TLE4: variants seen among roughly 807,000 people sequenced by gnomAD.
TLE4 encodes TLE family member 4, transcriptional corepressor.
A neutral mutation model predicts 92.8 loss-of-function variants in TLE4; 8 were observed. The observed-to-expected ratio is 0.09, with a 90% CI of 0.05 to 0.16. TLE4 has a LOEUF of 0.16. Among genes scored for constraint, TLE4 ranks in the 10% least tolerant of loss-of-function variants. The pLI, the probability that TLE4 is intolerant of heterozygous loss-of-function variation, is 1.00. For missense variants in TLE4, 675 were observed against 997.6 expected, an observed-to-expected ratio of 0.68 and a Z score of 4.36; for synonymous variants, 371 against 374.1, an observed-to-expected ratio of 0.99 and a Z score of 0.10.
intron 8 of TLE4, among the ~76,000 whole-genome samples, chr9:79,692,553 A>G (rs906059226): frequency 2.6e-5 from 4 of 152,188 alleles, no homozygotes; most frequent in Non-Finnish European, 5.9e-5. Context: ...TTTAATTGTC[A>G]TGACTATCTT....
At chr9:79,635,096 T>C (rs1056183741) in intron 6 of TLE4, among the ~76,000 whole-genome samples, 2 of 152,190 alleles carry the variant, frequency 1.3e-5, no homozygotes, top group African/African-American at 4.8e-5. Context: ...ATATATTACA[T>C]GTAAGAAAAC....
intron 14 of TLE4, among the ~76,000 whole-genome samples, chr9:79,715,996 A>T (rs886266562): frequency 2.4e-4 from 37 of 152,110 alleles, no homozygotes; most frequent in African/African-American, 8.7e-4. Flanking sequence ...TCTCCTCTAG[A>T]TTACTGTGTA....
chr9:79,644,780 A>G (rs1259917938), intron 6 of TLE4, among the ~76,000 whole-genome samples: 1 of 152,142 alleles, frequency 6.6e-6, no homozygotes, highest in East Asian at 1.9e-4. Context: ...GCTCCTTTCA[A>G]GGTCTGCTGA....
At chr9:79,720,896 C>T (rs2075521654) in intron 16 of TLE4, among the ~76,000 whole-genome samples, 1 of 152,108 alleles carries the variant, frequency 6.6e-6, no homozygotes, top group South Asian at 2.1e-4. Flanking sequence ...TATAACTTTA[C>T]AAATGAGATT....
At chr9:79,586,243 A>G (rs1052805883) in intron 4 of TLE4, among the ~76,000 whole-genome samples, 2 of 151,924 alleles carry the variant, frequency 1.3e-5, no homozygotes, top group Non-Finnish European at 2.9e-5. Flanking sequence ...CATGACTGTA[A>G]TCCCAGCTAC....
At chr9:79,672,229 C>T (rs1321737594) in intron 8 of TLE4, among the ~76,000 whole-genome samples, 1 of 151,868 alleles carries the variant, frequency 6.6e-6, no homozygotes, top group Non-Finnish European at 1.5e-5. Flanking sequence ...ACAAAGGGGC[C>T]AGAGTCCTGG....
At chr9:79,722,422 A>T in intron 17 of TLE4, 29 bp from the exon 18 acceptor site, 1 of 1,612,604 alleles carries the variant, frequency 6.2e-7, no homozygotes, top group Non-Finnish European at 8.5e-7. Flanking sequence ...CACTGTGGCC[A>T]CTGTCACCAT....
At chr9:79,676,698 TATC>T (rs2063317648) in intron 8 of TLE4, among the ~76,000 whole-genome samples, 1 of 152,142 alleles carries the variant, frequency 6.6e-6, no homozygotes, top group Non-Finnish European at 1.5e-5. Context: ...CGTCTAGCCT[TATC>T]TATGACGTCT....
Position 79,708,687 on chromosome 9 carries a change from C to T in TLE4, c.1164C>T (p.Ser388=), listed in dbSNP as rs1173516543. 4 of 1,613,834 alleles carry T rather than the reference C, an allele frequency of 2.5e-6. No homozygotes were observed. The highest frequency in any genetic ancestry group is 3.3e-5 in the Admixed American group (2 of 60,028). The part of the protein sequence containing the change: ...PHAGMNGELT[S]PGAAYAGLHN... The stretch of plus-strand genomic sequence containing the variant: ...CTGGAATGAACGGAGAGCTGACCAG[C>T]CCCGGAGCGGCCTACGCTGGGCTCC... The change falls in exon 13 of 20, where the codon AGC becomes AGT. Residue 388 remains serine, a synonymous_variant. Coordinates refer to ENST00000376552, the MANE Select transcript of TLE4 (RefSeq NM_007005.6).
chr9:79,588,485 C>T (rs1172243432), intron 4 of TLE4, among the ~76,000 whole-genome samples: 5 of 152,152 alleles, frequency 3.3e-5, no homozygotes, highest in Non-Finnish European at 5.9e-5. Context: ...AAATCGTCTG[C>T]TTCTGTGTTC....
chr9:79,669,425 G>A (rs1196518606), intron 8 of TLE4, among the ~76,000 whole-genome samples: 5 of 152,152 alleles, frequency 3.3e-5, no homozygotes, highest in African/African-American at 4.8e-5. Context: ...CTGTATTTAG[G>A]CAATTAAAAT....
intron 5 of TLE4, among the ~76,000 whole-genome samples, chr9:79,616,421 G>A (rs184553197): frequency 1.3e-5 from 2 of 152,272 alleles, no homozygotes; most frequent in Non-Finnish European, 1.5e-5. Context: ...ACCTACTGCC[G>A]TTGACTAGTG....
chr9:79,709,875 G>C (rs1438995778), intron 14 of TLE4, among the ~76,000 whole-genome samples, 176 bp downstream of exon 14: 1 of 152,172 alleles, frequency 6.6e-6, no homozygotes, highest in Non-Finnish European at 1.5e-5. Flanking sequence ...ATGAAGTGGG[G>C]TTTTGCATTG....
chr9:79,657,903 T>C (rs1408111947), intron 8 of TLE4, among the ~76,000 whole-genome samples: 1 of 152,210 alleles, frequency 6.6e-6, no homozygotes, highest in East Asian at 1.9e-4. Flanking sequence ...GTAAGTCCTT[T>C]TCATGTATCT....
chr9:79,669,364 G>A (rs537813975), intron 8 of TLE4, among the ~76,000 whole-genome samples: 4 of 152,310 alleles, frequency 2.6e-5, no homozygotes, highest in South Asian at 4.1e-4. Flanking sequence ...TTTGGAATAA[G>A]TAGTGAGGCC....
intron 8 of TLE4, among the ~76,000 whole-genome samples, chr9:79,663,929 T>C (rs1448198364): frequency 6.6e-6 from 1 of 152,178 alleles, no homozygotes; most frequent in African/African-American, 2.4e-5. Flanking sequence ...CGGACTATAG[T>C]CCCCGAGACG....
Position 79,595,849 on chromosome 9 carries a change from CT to C in TLE4, c.253-16790del, listed in dbSNP as rs746656900. Among the ~76,000 whole-genome samples, 472 of 138,568 alleles carry C rather than the reference CT, an allele frequency of 3.4e-3. 6 individuals are homozygous for C. The highest frequency in any genetic ancestry group is 0.02 in the Admixed American group (284 of 13,860). 90.9% of individuals were successfully genotyped at this position (138,568 alleles called of 152,430 possible). ...TTTGTTTTTCATTTTTTGCCATCTA[CT>C]TTTTTTTTTTTTTTTTGAGACGGAG... On this transcript the variant is annotated intron_variant, in intron 4 of 19. Transcript: ENST00000376552.
intron 8 of TLE4, among the ~76,000 whole-genome samples, chr9:79,656,385 T>C (rs891243910): frequency 5.9e-5 from 9 of 152,190 alleles, no homozygotes; most frequent in African/African-American, 2.2e-4. Flanking sequence ...CTCCTTAACA[T>C]TTAACAGGTA....
At chr9:79,681,846 G>GCA (rs2064738883) in intron 8 of TLE4, among the ~76,000 whole-genome samples, 1 of 149,234 alleles carries the variant, frequency 6.7e-6, no homozygotes, top group Admixed American at 6.7e-5. Context: ...GTGTGTGTGT[G>GCA]TGTGTGTGTG....
Sources: gnomAD v4.1 joint callset for allele counts (sites outside exome capture counted in the v4.1 genomes callset) on GRCh38, gnomAD v4.1.1 for gene constraint, MANE v1.5 for transcripts, NCBI Gene and HGNC (gene_info 2026-07-23, HGNC 2026-07-21) for gene names.